The following COBLL1 variants were observed in gnomAD, a reference collection of about 807,000 sequenced individuals.
COBLL1 encodes cordon-bleu protein-like 1.
COBLL1 carries 50 observed loss-of-function variants against 94.8 expected under a neutral mutation model. That is an observed-to-expected ratio of 0.53 (90% CI 0.42 to 0.67). The LOEUF (loss-of-function observed/expected upper bound fraction) is 0.67. Among genes scored for constraint, COBLL1 ranks in the 30% least tolerant of loss-of-function variants. COBLL1 has a pLI of 0.00. For synonymous variants in COBLL1, 448 were observed against 473.8 expected, an observed-to-expected ratio of 0.95 and a Z score of 0.71; for missense variants, 1,362 against 1,348.7, an observed-to-expected ratio of 1.01 and a Z score of -0.15.
intron 2 of COBLL1, among the ~76,000 whole-genome samples, chr2:164,772,197 T>G (rs1281628404): frequency 2.0e-5 from 3 of 151,502 alleles, no homozygotes; most frequent in African/African-American, 7.3e-5. Flanking sequence ...ATACTATCTT[T>G]TTTATTTTTA....
chr2:164,664,885 C>T (rs1179150814), intron 2 of COBLL1, among the ~76,000 whole-genome samples: 3 of 152,072 alleles, frequency 2.0e-5, no homozygotes, highest in South Asian at 2.1e-4. Context: ...TTGAGTTAAC[C>T]TTTATGTCCA....
intron 2 of COBLL1, among the ~76,000 whole-genome samples, chr2:164,785,054 T>C (rs896313779): frequency 6.6e-6 from 1 of 152,128 alleles, no homozygotes; most frequent in African/African-American, 2.4e-5. Context: ...CCTTCTGCCA[T>C]GTGAGGATGA....
downstream of COBLL1, among the ~76,000 whole-genome samples, chr2:164,678,795 C>A (rs148845119): frequency 6.6e-6 from 1 of 152,066 alleles, no homozygotes; most frequent in Non-Finnish European, 1.5e-5. Flanking sequence ...CTTTTATGAC[C>A]GTGTTTTATG....
At chr2:164,791,080 T>C (rs185587698) in intron 2 of COBLL1, among the ~76,000 whole-genome samples, 3 of 152,234 alleles carry the variant, frequency 2.0e-5, no homozygotes, top group African/African-American at 7.2e-5. Flanking sequence ...TCTATACACA[T>C]ACTTGATTCT....
At chr2:164,745,019 G>T (rs1686795695) in intron 2 of COBLL1, among the ~76,000 whole-genome samples, 1 of 152,082 alleles carries the variant, frequency 6.6e-6, no homozygotes, top group Non-Finnish European at 1.5e-5. Flanking sequence ...AAGGCTAATT[G>T]GTTTTAGAAA....
intron 7 of COBLL1, among the ~76,000 whole-genome samples, chr2:164,715,875 G>T (rs1685139733): frequency 6.6e-6 from 1 of 152,054 alleles, no homozygotes; most frequent in Non-Finnish European, 1.5e-5. Context: ...AAAATGATGT[G>T]CCATCCCCGT....
At chr2:164,758,135 G>A (rs1456826351) in intron 2 of COBLL1, among the ~76,000 whole-genome samples, 1 of 151,932 alleles carries the variant, frequency 6.6e-6, no homozygotes, top group Non-Finnish European at 1.5e-5. Context: ...ACATTTACTG[G>A]GCACCCACTG....
At chr2:164,697,852 G>A (rs1230687266) in intron 11 of COBLL1, 1 of 151,994 alleles carries the variant, frequency 6.6e-6, no homozygotes, top group Non-Finnish European at 1.5e-5. Context: ...TAAATGGCTA[G>A]ATCATTTTCC....
chr2:164,703,324 A>G, intron 9 of COBLL1: 1 of 712,268 alleles, frequency 1.4e-6, no homozygotes, highest in Non-Finnish European at 2.4e-6. Flanking sequence ...TTAGCTCACA[A>G]TTATCCATGC....
rs561262278 is a variant in COBLL1, at chr2:164,818,289, T to C, written c.41+22867A>G. ...ACACGTATGTATGTATACATATATG[T>C]ATGTATACATATGTATACATATACA... On this transcript the variant is annotated intron_variant, in intron 2 of 13. Transcript: ENST00000652658. 1.8e-4 allele frequency among the ~76,000 whole-genome samples: 25 copies of C among 141,882 alleles called. 1 individual carries two copies. Among genetic ancestry groups the C allele is most frequent in the African/African-American group, 5.8e-4 (20 of 34,306 alleles). 93.1% of individuals were successfully genotyped at this position (141,882 alleles called of 152,430 possible).
intron 1 of COBLL1, among the ~76,000 whole-genome samples, chr2:164,670,705 G>A (rs1344260484): frequency 6.6e-6 from 1 of 152,158 alleles, no homozygotes; most frequent in Non-Finnish European, 1.5e-5. Context: ...CTTTGCCCCT[G>A]ATGTCCCTGT....
chr2:164,731,357 A>G (rs1176620343), intron 3 of COBLL1, among the ~76,000 whole-genome samples: 1 of 152,210 alleles, frequency 6.6e-6, no homozygotes, highest in Non-Finnish European at 1.5e-5. Context: ...AGAAACTTTC[A>G]TACCCAACTT....
chr2:164,838,813 A>G (rs1683446985), intron 2 of COBLL1, among the ~76,000 whole-genome samples: 2 of 152,248 alleles, frequency 1.3e-5, no homozygotes, highest in Admixed American at 1.3e-4. Context: ...GAGTTATGAT[A>G]TAATTAGTCA....
At chr2:164,732,015 C>T (rs941240095) in intron 3 of COBLL1, among the ~76,000 whole-genome samples, 30 of 152,086 alleles carry the variant, frequency 2.0e-4, no homozygotes, top group African/African-American at 7.2e-4. Context: ...GTTCAGCCCC[C>T]ATCTCTACTT....
At position 164,702,257 on chromosome 2, in the gene COBLL1, G is replaced by A. The variant is rs200338416; in HGVS notation, c.1226-1501C>T. On this transcript the variant is annotated intron_variant, in intron 9 of 13. Transcript: ENST00000652658. ...CATATTGTATCTATGTGTTAAGAACGTATTTATATAATTTGAAAACTCTAG... is the reference window on the plus strand; with the variant it reads ...CATATTGTATCTATGTGTTAAGAACATATTTATATAATTTGAAAACTCTAG... Among the ~76,000 whole-genome samples, 14 of 152,084 alleles carry A rather than the reference G, an allele frequency of 9.2e-5. No individual in the cohort carries two copies. In the East Asian group the frequency reaches 2.3e-3, roughly 25 times the overall value.
At chr2:164,822,725 GATT>G (rs72452429) in intron 2 of COBLL1, among the ~76,000 whole-genome samples, 39,274 of 139,336 alleles carry the variant, frequency 0.28, 5,509 homozygotes, top group African/African-American at 0.35. Context: ...TCTCTGAAAA[GATT>G]ATATTATATT....
At chr2:164,770,186 C>A (rs1212417021) in intron 2 of COBLL1, among the ~76,000 whole-genome samples, 1 of 152,052 alleles carries the variant, frequency 6.6e-6, no homozygotes, top group Non-Finnish European at 1.5e-5. Flanking sequence ...AAGTTCATTT[C>A]AAAACCCATT....
At chr2:164,829,588 C>T (rs1682961119) in intron 2 of COBLL1, among the ~76,000 whole-genome samples, 1 of 151,976 alleles carries the variant, frequency 6.6e-6, no homozygotes, top group East Asian at 1.9e-4. Flanking sequence ...AGTGTAAATA[C>T]ATAAGCAGAT....
intron 2 of COBLL1, among the ~76,000 whole-genome samples, chr2:164,805,363 A>ATATATATATATATATATATAT (rs1553480466): frequency 2.6e-5 from 3 of 115,886 alleles, no homozygotes; most frequent in Non-Finnish European, 3.5e-5. Context: ...ATATATATAT[A>ATATATATATATATATATATAT]AAACTAAAGT....
Sources: gnomAD v4.1 joint callset for allele counts (sites outside exome capture counted in the v4.1 genomes callset) on GRCh38, gnomAD v4.1.1 for gene constraint, MANE v1.5 for transcripts, NCBI Gene and HGNC (gene_info 2026-07-23, HGNC 2026-07-21) for gene names.